Variants in USP53 observed in about 807,000 individuals in gnomAD.
USP53 encodes ubiquitin specific peptidase 53.
Under a neutral mutation model 94.9 loss-of-function variants are expected in USP53, and 71 were observed. The ratio of observed to expected loss-of-function variants is 0.75; its 90% CI spans 0.62 to 0.91. The LOEUF (loss-of-function observed/expected upper bound fraction) is 0.91, where lower values mean the gene tolerates loss of function less well. Among genes scored for constraint, USP53 ranks in the 40% least tolerant of loss-of-function variants. USP53 has a pLI of 0.00. For synonymous variants in USP53, 375 were observed against 422.7 expected (o/e 0.89, Z 1.39); for missense variants, 1,173 against 1,281.0 (o/e 0.92, Z 1.29).
Position 119,254,739 on chromosome 4 carries a change from G to T in USP53, c.373-1507G>T, listed in dbSNP as rs142588039. Among the ~76,000 whole-genome samples the T allele has an allele frequency of 4.2e-3, 632 of 152,162 alleles. 3 individuals are homozygous for T. Among genetic ancestry groups the T allele is most frequent in the African/African-American group, 0.015 (610 of 41,520 alleles). The stretch of plus-strand genomic sequence containing the variant: ...CTACTTCTGTCAACTCTTCAAACTC[G>T]TTCTCCGACCAGTTTTGTTACCTTG... On this transcript the variant is annotated intron_variant, in intron 7 of 18. Transcript: ENST00000692078.
chr4:119,239,966 C>A (rs1345585272), intron 5 of USP53, 63 bp downstream of exon 5: 1 of 1,277,324 alleles, frequency 7.8e-7, no homozygotes, highest in South Asian at 2.9e-5. Flanking sequence ...TTGTTTAATG[C>A]TTCTTTAGCT....
chr4:119,268,254 C>A lies in USP53; in HGVS notation c.1136-14C>A. ...GAAGGAAAGGAATGATACATTTTTGCTTCTCTTTTTAAGGATGTGAAAAGC... is the reference window on the plus strand; with the variant it reads ...GAAGGAAAGGAATGATACATTTTTGATTCTCTTTTTAAGGATGTGAAAAGC... On this transcript the variant is annotated splice_polypyrimidine_tract_variant and intron_variant, in intron 13 of 18. Transcript: ENST00000692078. 1 of 1,572,452 alleles carries A rather than the reference C, an allele frequency of 6.4e-7. No homozygotes were observed. Among genetic ancestry groups the A allele is most frequent in the South Asian group, 1.2e-5 (1 of 85,864 alleles).
chr4:119,290,036 T>TAG (rs1194808831), intron 17 of USP53, among the ~76,000 whole-genome samples: 3 of 152,182 alleles, frequency 2.0e-5, no homozygotes, highest in African/African-American at 7.2e-5. Context: ...TCATGTTTTG[T>TAG]AGAGAGAAAT....
intron 6 of USP53, among the ~76,000 whole-genome samples, chr4:119,248,095 A>G (rs763455639): frequency 2.0e-5 from 3 of 152,172 alleles, no homozygotes; most frequent in Non-Finnish European, 4.4e-5. Context: ...GATGATTGTC[A>G]TAAAATTGGA....
At chr4:119,281,541 G>A (rs574123330) in intron 17 of USP53, among the ~76,000 whole-genome samples, 5 of 152,190 alleles carry the variant, frequency 3.3e-5, no homozygotes, top group South Asian at 2.1e-4. Flanking sequence ...AGAATGTCTC[G>A]CCTGATAAAA....
chr4:119,260,383 C>T (rs184685356), intron 10 of USP53, 124 bp from the exon 11 acceptor site: 1 of 700,484 alleles, frequency 1.4e-6, no homozygotes, highest in East Asian at 3.1e-5. Flanking sequence ...TGTTAGAAGT[C>T]AATTTTTAGT....
At chr4:119,283,171 G>A (rs1753701570) in intron 17 of USP53, among the ~76,000 whole-genome samples, 2 of 151,896 alleles carry the variant, frequency 1.3e-5, no homozygotes, top group African/African-American at 4.8e-5. Context: ...CATTTGTAAT[G>A]TTTTAGCCCC....
At chr4:119,272,567 C>T (rs1232464211) in intron 16 of USP53, 1 of 152,490 alleles carries the variant, frequency 6.6e-6, no homozygotes, top group Non-Finnish European at 1.5e-5. Flanking sequence ...ACACGCACCA[C>T]CACGCCTGGC....
chr4:119,263,003 A>T (rs1750691702), intron 12 of USP53, among the ~76,000 whole-genome samples: 1 of 152,218 alleles, frequency 6.6e-6, no homozygotes, highest in Non-Finnish European at 1.5e-5. Flanking sequence ...TTAAGTAGTA[A>T]ACTCATTTAA....
chr4:119,229,516 C>T (rs904692095), intron 3 of USP53, among the ~76,000 whole-genome samples: 1 of 152,146 alleles, frequency 6.6e-6, no homozygotes, highest in Non-Finnish European at 1.5e-5. Flanking sequence ...CAAACAAGCT[C>T]ATTTTCCTAT....
chr4:119,224,361 T>C (rs1379247694), intron 3 of USP53, among the ~76,000 whole-genome samples: 1 of 152,234 alleles, frequency 6.6e-6, no homozygotes, highest in Non-Finnish European at 1.5e-5. Flanking sequence ...CCATGTTTTA[T>C]TATATTACAC....
At chr4:119,248,700 G>A in intron 6 of USP53, 48 bp from the exon 7 acceptor site, 1 of 1,580,596 alleles carries the variant, frequency 6.3e-7, no homozygotes, top group Non-Finnish European at 8.6e-7. Context: ...TTACTGAAAT[G>A]TCGTTAAAGC....
intron 7 of USP53, among the ~76,000 whole-genome samples, chr4:119,251,617 AT>A (rs1256551856): frequency 4.3e-5 from 6 of 138,172 alleles, no homozygotes; most frequent in African/African-American, 1.6e-4. Context: ...CAATCATGTC[AT>A]CTGCAAACAG....
chr4:119,251,510 C>A (rs547413230), intron 7 of USP53, among the ~76,000 whole-genome samples: 1 of 152,302 alleles, frequency 6.6e-6, no homozygotes, highest in East Asian at 1.9e-4. Context: ...AACTAATTTA[C>A]ACTCCCATCG....
intron 7 of USP53, among the ~76,000 whole-genome samples, chr4:119,252,113 T>A (rs1383974249): frequency 6.6e-6 from 1 of 152,252 alleles, no homozygotes; most frequent in Non-Finnish European, 1.5e-5. Flanking sequence ...AGCTTTTTGA[T>A]GTGCTGCTGG....
chr4:119,219,628 T>TA (rs1744243687), intron 3 of USP53: 1 of 152,274 alleles, frequency 6.6e-6, no homozygotes, highest in South Asian at 2.1e-4. Context: ...CAGACCATTC[T>TA]AGTAGCCTGA....
At chr4:119,259,507 G>T (rs1437534635) in intron 9 of USP53, among the ~76,000 whole-genome samples, 1 of 152,106 alleles carries the variant, frequency 6.6e-6, no homozygotes, top group Non-Finnish European at 1.5e-5. Flanking sequence ...TACTCATTAA[G>T]TAATAATACA....
chr4:119,279,556 T>C (rs924756677), intron 17 of USP53, among the ~76,000 whole-genome samples: 1 of 150,618 alleles, frequency 6.6e-6, no homozygotes, highest in African/African-American at 2.4e-5. Flanking sequence ...GTCTTTTTGT[T>C]TGTCTGTGCC....
rs1751264238 is a variant in USP53, at chr4:119,267,319, G to A, written c.973-1G>A. The A allele has an allele frequency of 6.2e-7, 1 of 1,610,350 alleles. No homozygotes were observed. Among genetic ancestry groups the A allele is most frequent in the African/African-American group, 1.3e-5 (1 of 74,636 alleles). Reference sequence around the variant, plus strand: ...CTTTATTCATTGTGTTTTTTTAAAAGATTGGAACTAGATGGAAAGATGTTG... The same window carrying A: ...CTTTATTCATTGTGTTTTTTTAAAAAATTGGAACTAGATGGAAAGATGTTG... On this transcript the variant is annotated splice_acceptor_variant, in intron 12 of 18. Coordinates refer to ENST00000692078, the MANE Select transcript of USP53 (RefSeq NM_001371395.1). LOFTEE classifies it high-confidence loss of function.
Sources: gnomAD v4.1 joint callset for allele counts (sites outside exome capture counted in the v4.1 genomes callset) on GRCh38, gnomAD v4.1.1 for gene constraint, MANE v1.5 for transcripts, NCBI Gene and HGNC (gene_info 2026-07-23, HGNC 2026-07-21) for gene names.